The following ACVR2A variants were observed in gnomAD, a reference collection of about 807,000 sequenced individuals.
ACVR2A encodes activin receptor type-2A.
ACVR2A carries 7 observed loss-of-function variants against 61.4 expected under a neutral mutation model. The observed-to-expected ratio is 0.11, with a 90% confidence interval of 0.06 to 0.21. The LOEUF (loss-of-function observed/expected upper bound fraction) is 0.21, where lower values mean the gene tolerates loss of function less well. ACVR2A is among the 10% of genes least tolerant of loss of function. The pLI is 1.00. For missense variants in ACVR2A, 322 were observed against 621.7 expected (o/e 0.52, Z 5.13); for synonymous variants, 193 against 208.3 (o/e 0.93, Z 0.63).
intron 1 of ACVR2A, among the ~76,000 whole-genome samples, chr2:147,869,669 T>A (rs758111512): frequency 6.6e-6 from 1 of 152,210 alleles, no homozygotes; most frequent in Non-Finnish European, 1.5e-5. Context: ...ATATAGTTTA[T>A]ATTTAAATGC....
intron 1 of ACVR2A, among the ~76,000 whole-genome samples, chr2:147,892,657 TAC>T (rs1686616761): frequency 6.6e-6 from 1 of 151,768 alleles, no homozygotes; most frequent in Non-Finnish European, 1.5e-5. Flanking sequence ...TTAGTAAAAT[TAC>T]AGTCTCTTAA....
chr2:147,899,729 C>T lies in ACVR2A; in HGVS notation c.374-15C>T, dbSNP rs571422150. ...TAGACCAAATCTGAGTTATTTTTCC[C>T]CCCCTTTTCCACAGCCACTTCAAAT... On this transcript the variant is annotated splice_polypyrimidine_tract_variant and intron_variant, in intron 3 of 10. Coordinates refer to ENST00000241416, the MANE Select transcript of ACVR2A (RefSeq NM_001616.5). 6 of 1,610,032 alleles carry T rather than the reference C, an allele frequency of 3.7e-6. 1 individual carries two copies. In the South Asian group the frequency reaches 4.4e-5, roughly 12 times the overall value.
intron 1 of ACVR2A, among the ~76,000 whole-genome samples, chr2:147,846,838 T>C (rs891227549): frequency 7.2e-5 from 11 of 152,214 alleles, no homozygotes; most frequent in African/African-American, 2.7e-4. Context: ...TCAAATCCCT[T>C]GTTCTGATCT....
At chr2:147,857,625 T>TA (rs1366534418) in intron 1 of ACVR2A, among the ~76,000 whole-genome samples, 1 of 151,892 alleles carries the variant, frequency 6.6e-6, no homozygotes, top group African/African-American at 2.4e-5. Flanking sequence ...TTTGGGTTGA[T>TA]ATAGTAGAAA....
intron 1 of ACVR2A, among the ~76,000 whole-genome samples, chr2:147,848,359 C>T (rs1349611756): frequency 1.3e-5 from 2 of 152,062 alleles, no homozygotes; most frequent in Non-Finnish European, 2.9e-5. Context: ...AGTCCCCCTC[C>T]CTACTTCCCC....
chr2:147,889,515 C>T lies in ACVR2A; in HGVS notation c.56-6786C>T, dbSNP rs749137552. ...ATCCCAGCACTTTGGGAGGCTGAGGCGGGCAGATCACAAGGTCAGGAGATT... is the reference window on the plus strand; with the variant it reads ...ATCCCAGCACTTTGGGAGGCTGAGGTGGGCAGATCACAAGGTCAGGAGATT... On this transcript the variant is annotated intron_variant, in intron 1 of 10. Coordinates refer to ENST00000241416, the MANE Select transcript of ACVR2A (RefSeq NM_001616.5). Among the ~76,000 whole-genome samples the T allele has an allele frequency of 4.6e-5, 7 of 151,934 alleles. No individual in the cohort carries two copies. The East Asian group carries it at 5.8e-4, about 13-fold the overall frequency.
intron 1 of ACVR2A, among the ~76,000 whole-genome samples, chr2:147,883,066 A>G (rs901524642): frequency 1.3e-5 from 2 of 152,244 alleles, no homozygotes; most frequent in Non-Finnish European, 2.9e-5. Context: ...ACCTTTCATA[A>G]TGCTTAAAAG....
At position 147,915,183 on chromosome 2, in the gene ACVR2A, A is replaced by C. The variant is rs754465364; in HGVS notation, c.529-8A>C. On this transcript the variant is annotated splice_region_variant and splice_polypyrimidine_tract_variant and intron_variant, in intron 4 of 10. Coordinates refer to ENST00000241416, the MANE Select transcript of ACVR2A (RefSeq NM_001616.5). Reference sequence around the variant, plus strand: ...CTTATTTATAGTATTATTATTATTTATCTGTAGGACCCAGGACCACCCCCA... The same window carrying C: ...CTTATTTATAGTATTATTATTATTTCTCTGTAGGACCCAGGACCACCCCCA... The C allele has an allele frequency of 6.2e-7, 1 of 1,610,164 alleles. No individual in the cohort carries two copies. Among genetic ancestry groups the C allele is most frequent in the Non-Finnish European group, 8.5e-7 (1 of 1,177,300 alleles).
intron 1 of ACVR2A, among the ~76,000 whole-genome samples, chr2:147,852,532 T>C (rs1685472841): frequency 6.6e-6 from 1 of 152,094 alleles, no homozygotes; most frequent in Non-Finnish European, 1.5e-5. Flanking sequence ...CATTAATTAA[T>C]CTACAATAGA....
intron 2 of ACVR2A, among the ~76,000 whole-genome samples, chr2:147,899,217 C>T (rs1235253117): frequency 1.3e-5 from 2 of 151,902 alleles, no homozygotes; most frequent in Non-Finnish European, 2.9e-5. Context: ...CAAATTACAG[C>T]AATAGTCTCT....
chr2:147,882,617 A>G (rs918981462), intron 1 of ACVR2A, among the ~76,000 whole-genome samples: 7 of 152,168 alleles, frequency 4.6e-5, no homozygotes, highest in Non-Finnish European at 1.0e-4. Flanking sequence ...ACTTCCAAGT[A>G]TTTTTACTCT....
chr2:147,859,864 CAG>C (rs1270113366), intron 1 of ACVR2A, among the ~76,000 whole-genome samples: 3 of 151,114 alleles, frequency 2.0e-5, no homozygotes, highest in Non-Finnish European at 4.4e-5. Flanking sequence ...GAGATTGAAA[CAG>C]AAGCTCACCA....
At chr2:147,912,559 C>T (rs1687144404) in intron 4 of ACVR2A, among the ~76,000 whole-genome samples, 1 of 151,828 alleles carries the variant, frequency 6.6e-6, no homozygotes, top group Non-Finnish European at 1.5e-5. Context: ...TAAAGGTATA[C>T]ATTTTTATTT....
chr2:147,878,864 A>T (rs1292729607), intron 1 of ACVR2A, among the ~76,000 whole-genome samples: 1 of 152,082 alleles, frequency 6.6e-6, no homozygotes, highest in Non-Finnish European at 1.5e-5. Flanking sequence ...AACTGTTACC[A>T]TGCCACTGCA....
intron 1 of ACVR2A, among the ~76,000 whole-genome samples, chr2:147,847,324 G>A (rs1427196234): frequency 6.6e-6 from 1 of 151,998 alleles, no homozygotes; most frequent in Non-Finnish European, 1.5e-5. Flanking sequence ...TAAAATGTCT[G>A]ATTTTTAAAA....
chr2:147,926,660 A>G (rs1317111230), intron 10 of ACVR2A, among the ~76,000 whole-genome samples: 2 of 151,956 alleles, frequency 1.3e-5, no homozygotes, highest in African/African-American at 2.4e-5. Flanking sequence ...AAATATAACT[A>G]GAAACCTGGC....
intron 2 of ACVR2A, among the ~76,000 whole-genome samples, chr2:147,899,186 C>T (rs1686815184): frequency 6.6e-6 from 1 of 151,936 alleles, no homozygotes; most frequent in Non-Finnish European, 1.5e-5. Context: ...AGATGCTTGC[C>T]TTAGGTTGCT....
chr2:147,850,505 T>C (rs1188935942), intron 1 of ACVR2A, among the ~76,000 whole-genome samples: 5 of 152,172 alleles, frequency 3.3e-5, no homozygotes, highest in Admixed American at 6.5e-5. Flanking sequence ...GTTTCGCTCA[T>C]CTTATTATTC....
chr2:147,901,384 C>T (rs1686868647), intron 4 of ACVR2A, among the ~76,000 whole-genome samples: 1 of 151,942 alleles, frequency 6.6e-6, no homozygotes, highest in Non-Finnish European at 1.5e-5. Flanking sequence ...TTATAGATAA[C>T]ACTGATCTGT....
Sources: allele counts gnomAD v4.1 joint callset (sites outside exome capture counted in the v4.1 genomes callset), GRCh38; gene constraint gnomAD v4.1.1; transcripts MANE v1.5; gene names NCBI Gene and HGNC (gene_info 2026-07-23, HGNC 2026-07-21).